DYM: variants seen among roughly 807,000 people sequenced by gnomAD.
The protein encoded by DYM is dyggve-Melchior-Clausen syndrome protein.
A neutral mutation model predicts 93.1 loss-of-function variants in DYM; 78 were observed. That is an observed-to-expected ratio of 0.84 (90% CI 0.70 to 1.01). The LOEUF (loss-of-function observed/expected upper bound fraction) is 1.01. DYM is among the 50% of genes least tolerant of loss of function. The pLI is 0.00. For synonymous variants in DYM, 321 were observed against 319.7 expected (o/e 1.00, Z -0.04); for missense variants, 789 against 845.0 (o/e 0.93, Z 0.82).
At chr18:49,227,899 T>A (rs1274768610) in intron 13 of DYM, among the ~76,000 whole-genome samples, 1 of 152,134 alleles carries the variant, frequency 6.6e-6, no homozygotes, top group Non-Finnish European at 1.5e-5. Context: ...AATCTCCGTA[T>A]CCTCTGGAAA....
chr18:49,058,379 A>G (rs1052216928), intron 17 of DYM, among the ~76,000 whole-genome samples: 3 of 148,692 alleles, frequency 2.0e-5, no homozygotes, highest in Non-Finnish European at 4.4e-5. Flanking sequence ...GAGTGTAGTG[A>G]TATGATCATA....
At chr18:49,106,011 TAG>T (rs1568429288) in intron 16 of DYM, among the ~76,000 whole-genome samples, 1 of 152,218 alleles carries the variant, frequency 6.6e-6, no homozygotes, top group East Asian at 1.9e-4. Context: ...AGTGGGGTGT[TAG>T]AGTCTCCCAT....
chr18:49,306,540 A>T (rs1292511613), intron 8 of DYM, among the ~76,000 whole-genome samples: 1 of 152,208 alleles, frequency 6.6e-6, no homozygotes, highest in African/African-American at 2.4e-5. Flanking sequence ...TTCTAAAAGG[A>T]ATTCAAGGAA....
chr18:49,363,042 A>C (rs151163487), intron 6 of DYM, 119 bp downstream of exon 6: 7 of 777,810 alleles, frequency 9.0e-6, no homozygotes, highest in Middle Eastern at 4.6e-4. Flanking sequence ...TGGATATAGA[A>C]TCCTTAAAAG....
intron 2 of DYM, among the ~76,000 whole-genome samples, chr18:49,399,404 G>A (rs1331998883): frequency 3.3e-5 from 5 of 152,132 alleles, no homozygotes; most frequent in East Asian, 1.9e-4. Flanking sequence ...AAACTACAAA[G>A]CTGGAAAAGT....
At chr18:49,457,744 G>T (rs1193895240) in intron 1 of DYM, among the ~76,000 whole-genome samples, 2 of 152,168 alleles carry the variant, frequency 1.3e-5, no homozygotes. Flanking sequence ...GACTTTGCAG[G>T]CGTGATTAAA....
intron 17 of DYM, among the ~76,000 whole-genome samples, chr18:49,089,358 T>A (rs1048085289): frequency 1.3e-5 from 2 of 152,236 alleles, no homozygotes; most frequent in African/African-American, 4.8e-5. Context: ...TTAATGGAAT[T>A]TTACTACTCT....
intron 2 of DYM, among the ~76,000 whole-genome samples, chr18:49,395,987 TA>T (rs1165420231): frequency 6.6e-6 from 1 of 152,136 alleles, no homozygotes; most frequent in Non-Finnish European, 1.5e-5. Flanking sequence ...CTCACTCTAT[TA>T]GTTCCCATTA....
chr18:49,349,152 G>A lies in DYM; in HGVS notation c.494+14009C>T, dbSNP rs373170374. On this transcript the variant is annotated intron_variant, in intron 6 of 17. Coordinates refer to ENST00000675505, the MANE Select transcript of DYM (RefSeq NM_001353214.3). ...GAACCTGGGAGGCGGAGGTTGCAGT[G>A]AGCCAAGATCGTGCCAGTGCACTCC... 3.9e-5 allele frequency among the ~76,000 whole-genome samples: 6 copies of A among 152,284 alleles called. No homozygotes were observed. The East Asian group carries it at 9.6e-4, about 24-fold the overall frequency.
intron 1 of DYM, among the ~76,000 whole-genome samples, chr18:49,437,185 G>C (rs2080934596): frequency 6.6e-6 from 1 of 152,104 alleles, no homozygotes; most frequent in Non-Finnish European, 1.5e-5. Flanking sequence ...TCTCAACTCA[G>C]AGAAAACATT....
At chr18:49,218,613 A>T (rs1488611922) in intron 13 of DYM, among the ~76,000 whole-genome samples, 3 of 152,028 alleles carry the variant, frequency 2.0e-5, no homozygotes, top group Non-Finnish European at 4.4e-5. Flanking sequence ...ACTCAAAACC[A>T]CTCAACTACA....
intron 8 of DYM, among the ~76,000 whole-genome samples, chr18:49,309,959 GGTTCAGTGTATA>G (rs1488865402): frequency 1.3e-5 from 2 of 152,128 alleles, no homozygotes; most frequent in African/African-American, 4.8e-5. Flanking sequence ...ACAACATAAT[GGTTCAGTGTATA>G]GCCAGCCATC....
chr18:49,195,916 C>CTTTTTTTTTTTTTTTTTTTT (rs540189318), intron 14 of DYM, among the ~76,000 whole-genome samples: 2 of 84,034 alleles, frequency 2.4e-5, no homozygotes, highest in African/African-American at 1.1e-4. Context: ...ATGCTACCAT[C>CTTTTTTTTTTTTTTTTTTTT]TTTTTTTTTT....
At chr18:49,416,816 G>A (rs1946146599) in intron 2 of DYM, among the ~76,000 whole-genome samples, 1 of 152,150 alleles carries the variant, frequency 6.6e-6, no homozygotes, top group African/African-American at 2.4e-5. Context: ...GAGCCTACAA[G>A]GGACCCTACT....
intron 8 of DYM, among the ~76,000 whole-genome samples, chr18:49,317,571 CT>C (rs1395393646): frequency 5.2e-4 from 6 of 11,632 alleles, no homozygotes; most frequent in African/African-American, 4.0e-3. Flanking sequence ...CTCTCTCTCT[CT>C]CTCTCTCTCT....
chr18:49,173,671 T>A (rs112431392), intron 14 of DYM, among the ~76,000 whole-genome samples: 126 of 152,278 alleles, frequency 8.3e-4, no homozygotes, highest in African/African-American at 2.9e-3. Context: ...TATTATATAC[T>A]GACCTTTTTG....
At chr18:49,161,963 A>G (rs1184670664) in intron 15 of DYM, among the ~76,000 whole-genome samples, 2 of 152,236 alleles carry the variant, frequency 1.3e-5, no homozygotes, top group African/African-American at 4.8e-5. Context: ...GTTCTCTAAT[A>G]AAGTTTCTAA....
intron 8 of DYM, among the ~76,000 whole-genome samples, chr18:49,319,681 G>A (rs1335506855): frequency 6.6e-6 from 1 of 152,212 alleles, no homozygotes; most frequent in Non-Finnish European, 1.5e-5. Flanking sequence ...CTGGGGCTCA[G>A]CAAAGTTAAA....
chr18:49,271,669 T>C (rs149013842), intron 11 of DYM, among the ~76,000 whole-genome samples: 3 of 130,812 alleles, frequency 2.3e-5, no homozygotes, highest in African/African-American at 7.5e-5. Context: ...ATTACTTTGA[T>C]GCAAAAAATA....
Sources: allele counts gnomAD v4.1 joint callset (sites outside exome capture counted in the v4.1 genomes callset), GRCh38; gene constraint gnomAD v4.1.1; transcripts MANE v1.5; gene names NCBI Gene and HGNC (gene_info 2026-07-23, HGNC 2026-07-21).